Variants in POU2AF1 observed in about 807,000 individuals in gnomAD.
POU2AF1 encodes the protein POU domain class 2-associating factor 1.
Under a neutral mutation model 26.3 loss-of-function variants are expected in POU2AF1, and 12 were observed. The ratio of observed to expected loss-of-function variants is 0.46; its 90% CI spans 0.29 to 0.74. The LOEUF (loss-of-function observed/expected upper bound fraction) is 0.74. POU2AF1 is among the 30% of genes least tolerant of loss of function. The pLI, the probability that POU2AF1 is intolerant of heterozygous loss-of-function variation, is 0.09. For missense variants in POU2AF1, 297 were observed against 334.5 expected (o/e 0.89, Z 0.87); for synonymous variants, 175 against 148.0 (o/e 1.18, Z -1.32).
Position 111,372,051 on chromosome 11 carries a change from C to CAGAGAGAGAG in POU2AF1, c.16+7110_16+7111insCTCTCTCTCT, listed in dbSNP as rs1374875953. 4.5e-3 allele frequency among the ~76,000 whole-genome samples: 462 copies of CAGAGAGAGAG among 101,590 alleles called. 3 individuals carry two copies. The highest frequency in any genetic ancestry group is 5.6e-3 in the Admixed American group (61 of 10,918). The allele number at this position is 101,590 out of a possible 152,430, so 66.6% of individuals were successfully genotyped here. ...AAATACACACACACACACACACACA[C>CAGAGAGAGAG]ACACACACACACACACACAGAGAGA... On this transcript the variant is annotated intron_variant, in intron 1 of 4. Transcript: ENST00000393067.
At chr11:111,363,216 A>G (rs1045109566) in intron 1 of POU2AF1, 11 of 1,017,350 alleles carry the variant, frequency 1.1e-5, no homozygotes, top group Non-Finnish European at 1.1e-5. Flanking sequence ...CACAGCTCCC[A>G]CGGGTCTCCT....
intron 1 of POU2AF1, among the ~76,000 whole-genome samples, chr11:111,376,002 C>T (rs1399465599): frequency 4.6e-5 from 7 of 152,214 alleles, no homozygotes; most frequent in African/African-American, 1.7e-4. Context: ...AATATCCTAT[C>T]ACCCAAGAAT....
Position 111,379,172 on chromosome 11 carries a change from G to C in POU2AF1, c.6C>G (p.Leu2=). The part of the protein sequence containing the change: M[L]WQKPTAPEQA... The stretch of plus-strand genomic sequence containing the variant: ...AGCCAAACCACTTACGTTTTTGCCA[G>C]AGCATGGCCTGTGACAGGATGTTGC... Residue 2 remains leucine, a synonymous_variant, in exon 1 of 5, where the codon CTC becomes CTG. Coordinates refer to ENST00000393067, the MANE Select transcript of POU2AF1 (RefSeq NM_006235.3). The C allele has an allele frequency of 6.2e-7, 1 of 1,614,162 alleles. No homozygotes were observed. Among genetic ancestry groups the C allele is most frequent in the Non-Finnish European group, 8.5e-7 (1 of 1,180,006 alleles).
chr11:111,359,004 G>T lies in POU2AF1; in HGVS notation c.17-86C>A. ...TGCTCATTTCCTCATGGATCTGCCT[G>T]CTCCCCTAAGTCGTGCTTGAACACG... On this transcript the variant is annotated intron_variant, in intron 1 of 4. Transcript: ENST00000393067. 3 of 1,527,090 alleles carry T rather than the reference G, an allele frequency of 2.0e-6. No individual in the cohort carries two copies. In the South Asian group the frequency reaches 3.9e-5, roughly 20 times the overall value. The allele number at this position is 1,527,090 out of a possible 1,614,324, so 94.6% of individuals were successfully genotyped here.
At chr11:111,373,039 G>T (rs527290416) in intron 1 of POU2AF1, among the ~76,000 whole-genome samples, 55 of 152,276 alleles carry the variant, frequency 3.6e-4, no homozygotes, top group African/African-American at 7.2e-4. Context: ...GGATGATGTT[G>T]GCACTGTGAG....
chr11:111,358,657 C>T (rs1346121602), intron 2 of POU2AF1, 131 bp downstream of exon 2: 1 of 1,140,946 alleles, frequency 8.8e-7, no homozygotes, highest in Non-Finnish European at 1.3e-6. Context: ...CTCTCACACA[C>T]TCTATCACAC....
intron 2 of POU2AF1, 89 bp downstream of exon 2, chr11:111,358,699 C>CTT: frequency 2.7e-6 from 4 of 1,458,620 alleles, no homozygotes; most frequent in Non-Finnish European, 3.7e-6. Context: ...TACACATACT[C>CTT]ACACACACAT....
intron 2 of POU2AF1, 50 bp from the exon 3 acceptor site, chr11:111,357,887 G>T: frequency 6.5e-7 from 1 of 1,533,352 alleles, no homozygotes; most frequent in Non-Finnish European, 8.8e-7. Flanking sequence ...CTCGTCAACC[G>T]GCCCTGTGCA....
chr11:111,366,191 G>A lies in POU2AF1; in HGVS notation c.17-7273C>T, dbSNP rs145997349. ...TTGACCTTTGTTGTTGGTGTTTAAT[G>A]TAGGCCAACAAAGAAATCCCATATG... On this transcript the variant is annotated intron_variant, in intron 1 of 4. Coordinates refer to ENST00000393067, the MANE Select transcript of POU2AF1 (RefSeq NM_006235.3). Among the ~76,000 whole-genome samples, 5 of 152,298 alleles carry A rather than the reference G, an allele frequency of 3.3e-5. No individual in the cohort carries two copies. In the East Asian group the frequency reaches 9.7e-4, roughly 29 times the overall value.
chr11:111,371,327 A>C (rs1297116137), intron 1 of POU2AF1, among the ~76,000 whole-genome samples: 1 of 152,222 alleles, frequency 6.6e-6, no homozygotes, highest in Non-Finnish European at 1.5e-5. Context: ...AGGAGGCCAC[A>C]CATTGTTGTT....
intron 4 of POU2AF1, among the ~76,000 whole-genome samples, chr11:111,355,067 A>C (rs1430863204): frequency 6.6e-6 from 1 of 152,182 alleles, no homozygotes; most frequent in African/African-American, 2.4e-5. Context: ...GGCTCCACAC[A>C]ACAGCTTTGG....
At chr11:111,366,619 A>G (rs903724421) in intron 1 of POU2AF1, among the ~76,000 whole-genome samples, 1 of 152,136 alleles carries the variant, frequency 6.6e-6, no homozygotes, top group African/African-American at 2.4e-5. Flanking sequence ...AGCCCTGAAG[A>G]TCTCACTCAT....
At chr11:111,364,153 C>G (rs931968077) in intron 1 of POU2AF1, 2 of 198,554 alleles carry the variant, frequency 1.0e-5, no homozygotes, top group Non-Finnish European at 1.8e-5. Flanking sequence ...CTGCCACACA[C>G]CCAGACATGC....
At chr11:111,366,066 A>AT (rs1305268460) in intron 1 of POU2AF1, among the ~76,000 whole-genome samples, 1 of 152,044 alleles carries the variant, frequency 6.6e-6, no homozygotes, top group African/African-American at 2.4e-5. Flanking sequence ...ACAATGGCTG[A>AT]TTTTTTTTCC....
intron 2 of POU2AF1, among the ~76,000 whole-genome samples, chr11:111,358,113 C>T (rs1361522858): frequency 6.6e-6 from 1 of 152,118 alleles, no homozygotes; most frequent in African/African-American, 2.4e-5. Flanking sequence ...GTCATTCGCT[C>T]ACTCAGGCCT....
At chr11:111,377,787 CA>C in intron 1 of POU2AF1, 1 of 184,244 alleles carries the variant, frequency 5.4e-6, no homozygotes, top group Non-Finnish European at 1.2e-5. Context: ...CTCTCATCCA[CA>C]CAGCACTCAC....
rs1472937071 is a variant in POU2AF1 at position 111,354,512 on chromosome 11, G to T, written c.520C>A (p.Leu174Ile). The change falls in exon 5 of 5, where the codon CTC (leucine) becomes ATC (isoleucine). Residue 174 changes from leucine (L) to isoleucine (I), a missense_variant. Physicochemically the swap from Leu to Ile is conservative, Grantham distance 5 (BLOSUM62 2). Transcript: ENST00000393067. Reference protein sequence around the residue: ...PLEGPEHQAPLTYFPWPQPLS... With the variant: ...PLEGPEHQAPITYFPWPQPLS... ...GGCTGAGGCCACGGGAAATAGGTGA[G>T]GGGTGCCTGGTGCTCTGGGCCCTCC... 10 of 1,585,382 alleles carry T rather than the reference G, an allele frequency of 6.3e-6. No individual in the cohort carries two copies. Among genetic ancestry groups the T allele is most frequent in the African/African-American group, 1.4e-5 (1 of 73,302 alleles).
chr11:111,374,901 T>C (rs1861279213), intron 1 of POU2AF1, among the ~76,000 whole-genome samples: 1 of 152,248 alleles, frequency 6.6e-6, no homozygotes, highest in South Asian at 2.1e-4. Flanking sequence ...ATTTTACTTA[T>C]CTTTAACTGC....
Position 111,354,134 on chromosome 11 carries a change from A to G in POU2AF1, c.*127T>C. On this transcript the variant is annotated 3_prime_UTR_variant, in exon 5 of 5. Transcript: ENST00000393067. ...GGGAAGGAAGGTTTACAGGTCTACA[A>G]TTCTAGCTGTGCGTAGAAAGTGTAG... 1 of 1,043,316 alleles carries G rather than the reference A, an allele frequency of 9.6e-7. No individual in the cohort carries two copies. The highest frequency in any genetic ancestry group is 1.5e-5 in the South Asian group (1 of 65,512). The allele number at this position is 1,043,316 out of a possible 1,614,324, so 64.6% of individuals were successfully genotyped here.
Sources: allele counts gnomAD v4.1 joint callset (sites outside exome capture counted in the v4.1 genomes callset), GRCh38; gene constraint gnomAD v4.1.1; transcripts MANE v1.5; gene names NCBI Gene and HGNC (gene_info 2026-07-23, HGNC 2026-07-21).